SBF2: variants seen among roughly 807,000 people sequenced by gnomAD.
The protein encoded by SBF2 is myotubularin-related protein 13.
A neutral mutation model predicts 225.2 loss-of-function variants in SBF2; 112 were observed. The observed-to-expected ratio is 0.50, with a 90% CI of 0.43 to 0.58. SBF2 has a LOEUF of 0.58. Among genes scored for constraint, SBF2 ranks in the 20% least tolerant of loss-of-function variants. The pLI, the probability that SBF2 is intolerant of heterozygous loss-of-function variation, is 0.00. For synonymous variants in SBF2, 763 were observed against 773.3 expected, an observed-to-expected ratio of 0.99 and a Z score of 0.22; for missense variants, 1,996 against 2,206.2, an observed-to-expected ratio of 0.90 and a Z score of 1.91.
At chr11:9,832,515 T>G in intron 26 of SBF2, 95 bp from the exon 27 acceptor site, 1 of 848,866 alleles carries the variant, frequency 1.2e-6, no homozygotes, top group Non-Finnish European at 2.0e-6. Context: ...AGACAGAGAA[T>G]ATAAGAAATT....
chr11:9,939,253 G>A (rs911294673), intron 16 of SBF2, among the ~76,000 whole-genome samples: 8 of 151,978 alleles, frequency 5.3e-5, no homozygotes, highest in African/African-American at 1.7e-4. Context: ...CTGCCACCAC[G>A]CCCGGCTAAT....
chr11:10,026,652 T>C (rs1369532765), intron 6 of SBF2, among the ~76,000 whole-genome samples: 1 of 152,132 alleles, frequency 6.6e-6, no homozygotes, highest in Non-Finnish European at 1.5e-5. Context: ...GAGGGAAGAC[T>C]GCTTGAGCCC....
At chr11:10,252,726 C>T (rs1340609162) in intron 1 of SBF2, among the ~76,000 whole-genome samples, 4 of 151,604 alleles carry the variant, frequency 2.6e-5, no homozygotes, top group East Asian at 1.9e-4. Flanking sequence ...AGGAGAATGG[C>T]GTGCACCTGG....
intron 2 of SBF2, among the ~76,000 whole-genome samples, chr11:10,172,188 G>A (rs918621778): frequency 1.3e-5 from 2 of 151,796 alleles, no homozygotes; most frequent in African/African-American, 4.8e-5. Context: ...GGTTTGGTTT[G>A]CTCTTGCCTT....
At chr11:10,102,123 G>A (rs1366248067) in intron 2 of SBF2, among the ~76,000 whole-genome samples, 1 of 152,146 alleles carries the variant, frequency 6.6e-6, no homozygotes, top group Non-Finnish European at 1.5e-5. Context: ...TAGACATTTG[G>A]TCTAAATTAA....
chr11:10,255,322 CATT>C (rs373164379), intron 1 of SBF2, among the ~76,000 whole-genome samples: 14 of 152,102 alleles, frequency 9.2e-5, no homozygotes, highest in Admixed American at 7.2e-4. Context: ...TATTTCAAAA[CATT>C]ATGTTGTACA....
chr11:10,242,622 C>A (rs1959331658), intron 1 of SBF2, among the ~76,000 whole-genome samples: 1 of 151,880 alleles, frequency 6.6e-6, no homozygotes, highest in African/African-American at 2.4e-5. Flanking sequence ...AGAACACACA[C>A]AAGCTGAAAC....
At chr11:10,248,122 G>A (rs1412792700) in intron 1 of SBF2, among the ~76,000 whole-genome samples, 1 of 152,064 alleles carries the variant, frequency 6.6e-6, no homozygotes, top group Non-Finnish European at 1.5e-5. Context: ...AAGGCCTGGC[G>A]ACCTGTGAAA....
chr11:10,079,010 A>G (rs1456589876), intron 2 of SBF2, among the ~76,000 whole-genome samples: 3 of 152,216 alleles, frequency 2.0e-5, no homozygotes, highest in African/African-American at 7.2e-5. Context: ...GCAAAGCCAG[A>G]GAACCCTACT....
chr11:9,812,384 A>C, intron 30 of SBF2, 148 bp downstream of exon 30: 1 of 812,714 alleles, frequency 1.2e-6, no homozygotes, highest in Admixed American at 2.2e-5. Context: ...CCTTAGTCTG[A>C]AAGGCCTTTA....
At chr11:9,947,702 C>G (rs368392172) in intron 16 of SBF2, among the ~76,000 whole-genome samples, 1 of 152,092 alleles carries the variant, frequency 6.6e-6, no homozygotes, top group Non-Finnish European at 1.5e-5. Flanking sequence ...ATGCTCAACA[C>G]CACTCCCGTT....
chr11:10,086,436 C>T (rs1951569215), intron 2 of SBF2, among the ~76,000 whole-genome samples: 1 of 152,132 alleles, frequency 6.6e-6, no homozygotes, highest in Admixed American at 6.5e-5. Context: ...CTTGCTGGTC[C>T]TCTGCAGTAG....
chr11:10,232,864 A>C (rs1348840198), intron 1 of SBF2, among the ~76,000 whole-genome samples: 1 of 152,262 alleles, frequency 6.6e-6, no homozygotes, highest in African/African-American at 2.4e-5. Flanking sequence ...CTATAACAGC[A>C]AGGAGTCCTT....
intron 22 of SBF2, among the ~76,000 whole-genome samples, chr11:9,848,643 C>A (rs1487782102): frequency 6.6e-6 from 1 of 152,246 alleles, no homozygotes; most frequent in Non-Finnish European, 1.5e-5. Context: ...TGTTTATGGC[C>A]ATTAACCTCA....
intron 6 of SBF2, among the ~76,000 whole-genome samples, chr11:10,023,923 A>G (rs1427693788): frequency 6.6e-6 from 1 of 152,040 alleles, no homozygotes; most frequent in Non-Finnish European, 1.5e-5. Context: ...TAAAACCATC[A>G]CCACAATCAA....
At chr11:10,004,915 C>CCAAT (rs1172586746) in intron 6 of SBF2, among the ~76,000 whole-genome samples, 3 of 152,174 alleles carry the variant, frequency 2.0e-5, no homozygotes, top group Non-Finnish European at 4.4e-5. Flanking sequence ...CCAGACCCAA[C>CCAAT]CAATGTACAT....
Position 9,856,629 on chromosome 11 carries a change from G to A in SBF2, c.2192C>T (p.Thr731Ile), listed in dbSNP as rs1368725189. The A allele has an allele frequency of 6.2e-7, 1 of 1,614,202 alleles. No homozygotes were observed. Among genetic ancestry groups the A allele is most frequent in the East Asian group, 2.2e-5 (1 of 44,886 alleles). ...LRLWPTLSKS[T>I]QQELVQHEES... ...CTCATGTTGCACTAGCTCTTGCTGA[G>A]TTGACTTGCTCAGGGTAGGCCAAAG... The change falls in exon 19 of 40, where the codon ACT becomes ATT. Residue 731 changes from threonine to isoleucine, a missense_variant. By Grantham distance (89) the Thr-to-Ile change is moderately conservative. Coordinates refer to ENST00000256190, the MANE Select transcript of SBF2 (RefSeq NM_030962.4).
At chr11:10,077,136 C>A (rs1034088326) in intron 2 of SBF2, among the ~76,000 whole-genome samples, 7 of 152,126 alleles carry the variant, frequency 4.6e-5, no homozygotes, top group Admixed American at 3.3e-4. Flanking sequence ...TTGACCACTG[C>A]TCAAGGAAAT....
intron 2 of SBF2, among the ~76,000 whole-genome samples, chr11:10,046,613 T>C (rs1011548800): frequency 6.6e-6 from 1 of 151,468 alleles, no homozygotes; most frequent in African/African-American, 2.4e-5. Flanking sequence ...GGAAACTTCC[T>C]CAACTTGATA....
Sources: gnomAD v4.1 joint callset for allele counts (sites outside exome capture counted in the v4.1 genomes callset) on GRCh38, gnomAD v4.1.1 for gene constraint, MANE v1.5 for transcripts, NCBI Gene and HGNC (gene_info 2026-07-23, HGNC 2026-07-21) for gene names.